Variants in ABHD17B observed in about 807,000 individuals in gnomAD.
ABHD17B encodes the protein abhydrolase domain containing 17B, depalmitoylase.
Under a neutral mutation model 26.2 loss-of-function variants are expected in ABHD17B, and 9 were observed. The ratio of observed to expected loss-of-function variants is 0.34; its 90% CI spans 0.21 to 0.60. The LOEUF (loss-of-function observed/expected upper bound fraction) is 0.60. Ranked by LOEUF, ABHD17B falls within the 20% of genes least tolerant of loss-of-function variation. The pLI is 0.80. For synonymous variants in ABHD17B, 127 were observed against 122.3 expected, an observed-to-expected ratio of 1.04 and a Z score of -0.25; for missense variants, 224 against 352.1, an observed-to-expected ratio of 0.64 and a Z score of 2.91.
At chr9:71,868,357 A>C (rs1415387205) in intron 3 of ABHD17B, among the ~76,000 whole-genome samples, 2 of 152,256 alleles carry the variant, frequency 1.3e-5, no homozygotes, top group Non-Finnish European at 2.9e-5. Flanking sequence ...CTTTACTTAC[A>C]TATAAGCAGG....
chr9:71,880,863 T>A (rs1417351447), intron 1 of ABHD17B, among the ~76,000 whole-genome samples: 5 of 151,808 alleles, frequency 3.3e-5, no homozygotes, highest in Non-Finnish European at 5.9e-5. Context: ...GTAATTCCCA[T>A]CAAAATTCCA....
Position 71,866,418 on chromosome 9 carries a change from A to G in ABHD17B, c.*369T>C, listed in dbSNP as rs894344754. 72 of 986,340 alleles carry G rather than the reference A, an allele frequency of 7.3e-5. No homozygotes were observed. Among genetic ancestry groups the G allele is most frequent in the South Asian group, 3.3e-4 (8 of 24,184 alleles). 61.1% of individuals were successfully genotyped at this position (986,340 alleles called of 1,614,324 possible). On this transcript the variant is annotated 3_prime_UTR_variant, in exon 4 of 4. Coordinates refer to ENST00000333421, the MANE Select transcript of ABHD17B (RefSeq NM_001025780.3). ...CAAAATATTACAGTTGTATTCCAGGATAAGATTTAATATATTGAGATGTTT... is the reference window on the plus strand; with the variant it reads ...CAAAATATTACAGTTGTATTCCAGGGTAAGATTTAATATATTGAGATGTTT...
downstream of ABHD17B, chr9:71,865,091 T>A (rs1825917350): frequency 1.1e-6 from 1 of 918,856 alleles, no homozygotes; most frequent in South Asian, 5.0e-5. Context: ...CGAAGGGTAA[T>A]TTTTTTTCAC....
intron 1 of ABHD17B, among the ~76,000 whole-genome samples, chr9:71,900,928 T>G (rs1398456084): frequency 6.6e-6 from 1 of 151,916 alleles, no homozygotes; most frequent in Non-Finnish European, 1.5e-5. Context: ...GGTGGGTGGA[T>G]CACAAGGTCA....
At position 71,874,889 on chromosome 9, in the gene ABHD17B, A is replaced by C; in HGVS notation, c.192T>G (p.Asp64Glu). ...TTCTAGTCATGAAACACTCAATAGC[A>C]TCTTTTTCTCTAGAAGAATACTGCC... Reference protein sequence around the residue: ...ADWQYSSREKDAIECFMTRTS... With the variant: ...ADWQYSSREKEAIECFMTRTS... The change falls in exon 2 of 4, where the codon GAT becomes GAG. Residue 64 changes from aspartate to glutamate, a missense_variant. Coordinates refer to ENST00000333421, the MANE Select transcript of ABHD17B (RefSeq NM_001025780.3). 6.2e-7 allele frequency: 1 copy of C among 1,614,204 alleles called. No homozygotes were observed. The highest frequency in any genetic ancestry group is 8.5e-7 in the Non-Finnish European group (1 of 1,180,036).
At chr9:71,881,351 AAAGACTAAATGT>A (rs1485633430) in intron 1 of ABHD17B, among the ~76,000 whole-genome samples, 1 of 152,260 alleles carries the variant, frequency 6.6e-6, no homozygotes, top group Non-Finnish European at 1.5e-5. Flanking sequence ...AAAATGAGTC[AAAGACTAAATGT>A]AAGATCTAAA....
intron 1 of ABHD17B, among the ~76,000 whole-genome samples, chr9:71,891,150 G>A (rs1826768870): frequency 1.3e-5 from 2 of 152,052 alleles, no homozygotes; most frequent in Admixed American, 6.5e-5. Flanking sequence ...AATTCTCCTC[G>A]AAATTTAAAT....
chr9:71,875,248 G>A (rs1281790589), intron 1 of ABHD17B, among the ~76,000 whole-genome samples, 165 bp from the exon 2 acceptor site: 12 of 145,474 alleles, frequency 8.2e-5, no homozygotes, highest in African/African-American at 2.0e-4. Context: ...TTTTTGAGAC[G>A]GAGTTTCACT....
intron 1 of ABHD17B, among the ~76,000 whole-genome samples, chr9:71,889,703 C>T (rs1826723211): frequency 6.6e-6 from 1 of 151,914 alleles, no homozygotes; most frequent in Admixed American, 6.6e-5. Context: ...AACTAAATGC[C>T]CCTGGGAATT....
chr9:71,882,874 A>C (rs1302396124), intron 1 of ABHD17B, among the ~76,000 whole-genome samples: 1 of 152,064 alleles, frequency 6.6e-6, no homozygotes, highest in East Asian at 1.9e-4. Flanking sequence ...TGCCGGGCGC[A>C]GTGGTTCACA....
chr9:71,909,836 T>C (rs748212395), intron 1 of ABHD17B, among the ~76,000 whole-genome samples: 2 of 152,162 alleles, frequency 1.3e-5, no homozygotes, highest in Admixed American at 6.5e-5. Flanking sequence ...TCTTCTGGCA[T>C]TGGCAGAGAT....
chr9:71,908,187 T>C (rs911087986), intron 1 of ABHD17B, among the ~76,000 whole-genome samples: 3 of 152,064 alleles, frequency 2.0e-5, no homozygotes, highest in Admixed American at 6.5e-5. Context: ...GGTCAGGAGT[T>C]GAAGACCAGC....
At chr9:71,863,783 T>C (rs1439042430), downstream of ABHD17B, among the ~76,000 whole-genome samples, 1 of 152,226 alleles carries the variant, frequency 6.6e-6, no homozygotes, top group Non-Finnish European at 1.5e-5. Context: ...AAATACATTG[T>C]ACATGCCTCT....
chr9:71,903,923 A>C (rs534673132), intron 1 of ABHD17B, among the ~76,000 whole-genome samples: 74 of 152,350 alleles, frequency 4.9e-4, no homozygotes, highest in African/African-American at 1.5e-3. Context: ...TATCATGAAG[A>C]AATCAAGAAT....
chr9:71,881,687 A>C (rs1024469257), intron 1 of ABHD17B, among the ~76,000 whole-genome samples: 2 of 152,172 alleles, frequency 1.3e-5, no homozygotes, highest in African/African-American at 4.8e-5. Flanking sequence ...GGAGATCGAG[A>C]CCATCCTGCT....
At chr9:71,864,213 C>CTT (rs762446648), downstream of ABHD17B, among the ~76,000 whole-genome samples, 54,291 of 80,452 alleles carry the variant, frequency 0.67, 19,672 homozygotes, top group South Asian at 0.82. Context: ...GCCAAACTTT[C>CTT]TTTTTTTTTT....
At chr9:71,893,916 T>C (rs370277386) in intron 1 of ABHD17B, among the ~76,000 whole-genome samples, 20 of 152,008 alleles carry the variant, frequency 1.3e-4, no homozygotes, top group African/African-American at 4.3e-4. Context: ...GGTGAAACCC[T>C]GTCTCTAATA....
chr9:71,881,982 T>C (rs901735437), intron 1 of ABHD17B, among the ~76,000 whole-genome samples: 5 of 149,300 alleles, frequency 3.3e-5, no homozygotes, highest in East Asian at 1.9e-4. Flanking sequence ...CCAAAAGATA[T>C]ACAAATGGCC....
downstream of ABHD17B, among the ~76,000 whole-genome samples, chr9:71,863,180 A>G (rs1488326220): frequency 2.0e-5 from 3 of 152,192 alleles, no homozygotes; most frequent in East Asian, 5.8e-4. Flanking sequence ...TACTATCAAA[A>G]TTGTACTATG....
Sources: gnomAD v4.1 joint callset for allele counts (sites outside exome capture counted in the v4.1 genomes callset) on GRCh38, gnomAD v4.1.1 for gene constraint, MANE v1.5 for transcripts, NCBI Gene and HGNC (gene_info 2026-07-23, HGNC 2026-07-21) for gene names.